Variants in CADM1 observed in about 807,000 individuals in gnomAD.
CADM1 encodes TSLC-1.
CADM1 carries 15 observed loss-of-function variants against 53.1 expected under a neutral mutation model. That is an observed-to-expected ratio of 0.28 (90% confidence interval 0.19 to 0.44). The LOEUF is 0.44. Among genes scored for constraint, CADM1 ranks in the 20% least tolerant of loss-of-function variants. The pLI is 1.00. For missense variants in CADM1, 434 were observed against 611.3 expected, an observed-to-expected ratio of 0.71 and a Z score of 3.06; for synonymous variants, 281 against 243.0, an observed-to-expected ratio of 1.16 and a Z score of -1.45.
intron 1 of CADM1, among the ~76,000 whole-genome samples, chr11:115,436,157 A>G (rs1473245847): frequency 6.6e-6 from 1 of 152,198 alleles, no homozygotes; most frequent in African/African-American, 2.4e-5. Flanking sequence ...GAATATATAA[A>G]TACACACATA....
intron 1 of CADM1, among the ~76,000 whole-genome samples, chr11:115,332,187 C>T (rs1236124612): frequency 1.3e-5 from 2 of 152,116 alleles, no homozygotes. Flanking sequence ...CCAGCCTCTT[C>T]CCTCCCCTAT....
chr11:115,451,553 CATT>C (rs1442343199), intron 1 of CADM1, among the ~76,000 whole-genome samples: 3 of 152,168 alleles, frequency 2.0e-5, no homozygotes, highest in Non-Finnish European at 4.4e-5. Flanking sequence ...GAAACAAAAA[CATT>C]ATGACATTAT....
chr11:115,257,848 C>G (rs1280563987), intron 1 of CADM1, among the ~76,000 whole-genome samples: 1 of 152,214 alleles, frequency 6.6e-6, no homozygotes, highest in Non-Finnish European at 1.5e-5. Flanking sequence ...TCAGCATCAC[C>G]TGGAGGGCCT....
intron 9 of CADM1, among the ~76,000 whole-genome samples, chr11:115,195,747 C>A (rs982052243): frequency 7.2e-5 from 11 of 152,154 alleles, no homozygotes; most frequent in African/African-American, 2.7e-4. Context: ...CCTTTTCTAT[C>A]CTGACAACTG....
intron 1 of CADM1, among the ~76,000 whole-genome samples, chr11:115,370,032 C>A (rs1946271552): frequency 6.6e-6 from 1 of 152,318 alleles, no homozygotes; most frequent in East Asian, 1.9e-4. Flanking sequence ...TAGCCCTGAT[C>A]TCTCCTTCAA....
chr11:115,210,523 GA>G lies in CADM1; in HGVS notation c.995-867del, dbSNP rs544120691. On this transcript the variant is annotated intron_variant, in intron 7 of 11. Coordinates refer to ENST00000331581, the MANE Select transcript of CADM1 (RefSeq NM_001301043.2). ...ACAAGGGAGGGGCAAATATGAAAGA[GA>G]AAAAAAAATTCTAAGCCCAAATGAT... 4.3e-3 allele frequency among the ~76,000 whole-genome samples: 654 copies of G among 151,474 alleles called. 2 individuals carry two copies. The highest frequency in any genetic ancestry group is 6.8e-3 in the Non-Finnish European group (459 of 67,742).
chr11:115,368,714 C>T (rs764231395), intron 1 of CADM1, among the ~76,000 whole-genome samples: 13 of 152,026 alleles, frequency 8.6e-5, no homozygotes, highest in Non-Finnish European at 8.8e-5. Flanking sequence ...AAAAACACTA[C>T]TACAACAACC....
At chr11:115,406,564 C>T (rs1354653068) in intron 1 of CADM1, among the ~76,000 whole-genome samples, 1 of 147,480 alleles carries the variant, frequency 6.8e-6, no homozygotes, top group African/African-American at 2.5e-5. Flanking sequence ...TATATAATTA[C>T]ATAATATTAT....
intron 5 of CADM1, among the ~76,000 whole-genome samples, chr11:115,226,780 T>C (rs1428797452): frequency 1.3e-5 from 2 of 152,206 alleles, no homozygotes; most frequent in Non-Finnish European, 2.9e-5. Flanking sequence ...AAACTTTTTG[T>C]TACTGCATAG....
In CADM1 at chr11:115,254,451, C is replaced by T. The variant is rs957283648; in HGVS notation, c.125-14031G>A. Reference sequence around the variant, plus strand: ...CTTTTCGATATCTCGGGGATTTTCACAAGACTCTTGGAAGGAAACAGGCCT... The same window carrying T: ...CTTTTCGATATCTCGGGGATTTTCATAAGACTCTTGGAAGGAAACAGGCCT... On this transcript the variant is annotated intron_variant, in intron 1 of 11. Transcript: ENST00000331581. 2.0e-5 allele frequency among the ~76,000 whole-genome samples: 3 copies of T among 151,658 alleles called. 1 individual carries two copies. The highest frequency in any genetic ancestry group is 2.0e-4 in the Admixed American group (3 of 15,216).
At chr11:115,392,435 A>AC (rs1219565273) in intron 1 of CADM1, among the ~76,000 whole-genome samples, 3 of 152,054 alleles carry the variant, frequency 2.0e-5, no homozygotes, top group Admixed American at 6.6e-5. Context: ...AAGGCTTATT[A>AC]CCTCTACTCT....
At chr11:115,312,470 A>G (rs1044711884) in intron 1 of CADM1, among the ~76,000 whole-genome samples, 1 of 152,180 alleles carries the variant, frequency 6.6e-6, no homozygotes, top group African/African-American at 2.4e-5. Context: ...AGTAGCCTCA[A>G]TATAGCTGAA....
chr11:115,356,953 C>T (rs1389798408), intron 1 of CADM1, among the ~76,000 whole-genome samples: 1 of 152,172 alleles, frequency 6.6e-6, no homozygotes, highest in Non-Finnish European at 1.5e-5. Flanking sequence ...TGTATTCCAA[C>T]TGTGTTATAA....
chr11:115,480,787 A>G (rs893896250), intron 1 of CADM1, among the ~76,000 whole-genome samples: 5 of 151,998 alleles, frequency 3.3e-5, no homozygotes, highest in African/African-American at 9.7e-5. Flanking sequence ...ATGGGATCCT[A>G]CTTTCCCAAG....
chr11:115,417,470 A>G (rs1276450972), intron 1 of CADM1, among the ~76,000 whole-genome samples: 1 of 152,220 alleles, frequency 6.6e-6, no homozygotes, highest in Non-Finnish European at 1.5e-5. Flanking sequence ...ATCATACCTA[A>G]GATAAAGCTT....
chr11:115,340,658 A>ATATATATATATTTTTTTTTT (rs60532835), intron 1 of CADM1, among the ~76,000 whole-genome samples: 4 of 34,944 alleles, frequency 1.1e-4, no homozygotes, highest in African/African-American at 5.6e-4. Flanking sequence ...ATATATATAT[A>ATATATATATATTTTTTTTTT]TTTTTTTTTT....
At chr11:115,239,873 G>C (rs538271888) in intron 2 of CADM1, among the ~76,000 whole-genome samples, 2 of 152,274 alleles carry the variant, frequency 1.3e-5, no homozygotes, top group Admixed American at 6.5e-5. Context: ...CAAAGGCTAT[G>C]ATGAGAGAAG....
At chr11:115,240,222 C>A in intron 2 of CADM1, 52 bp downstream of exon 2, 2 of 1,583,414 alleles carry the variant, frequency 1.3e-6, no homozygotes, top group Non-Finnish European at 1.7e-6. Flanking sequence ...TTTATCAAGA[C>A]AACATGTAGG....
chr11:115,384,113 T>C lies in CADM1; in HGVS notation c.124+120158A>G, dbSNP rs887856372. Among the ~76,000 whole-genome samples, 20 of 152,218 alleles carry C rather than the reference T, an allele frequency of 1.3e-4. 2 individuals are homozygous for C. The highest frequency in any genetic ancestry group is 1.3e-3 in the Admixed American group (20 of 15,280). The stretch of plus-strand genomic sequence containing the variant: ...CAAAAATAATATGGACAGAATTGAC[T>C]AAGCAGTCTCCGAGGTACTGCCTTT... On this transcript the variant is annotated intron_variant, in intron 1 of 11. Transcript: ENST00000331581.
Sources: gnomAD v4.1 joint callset for allele counts (sites outside exome capture counted in the v4.1 genomes callset) on GRCh38, gnomAD v4.1.1 for gene constraint, MANE v1.5 for transcripts, NCBI Gene and HGNC (gene_info 2026-07-23, HGNC 2026-07-21) for gene names.